The following RRAS2 variants were observed in gnomAD, a reference collection of about 807,000 sequenced individuals.
RRAS2 encodes RAS related 2, also known as ras-related protein R-Ras2.
In RRAS2, 7 loss-of-function variants were observed where a neutral mutation model predicts 27.6. The observed-to-expected ratio is 0.25, with a 90% CI of 0.14 to 0.48. The LOEUF (loss-of-function observed/expected upper bound fraction) is 0.48, where lower values mean the gene tolerates loss of function less well. RRAS2 is among the 20% of genes least tolerant of loss of function. The pLI is 0.99. For synonymous variants in RRAS2, 86 were observed against 90.9 expected, an observed-to-expected ratio of 0.95 and a Z score of 0.31; for missense variants, 178 against 256.2, an observed-to-expected ratio of 0.69 and a Z score of 2.08.
At chr11:14,303,559 A>G (rs1404276235) in intron 1 of RRAS2, among the ~76,000 whole-genome samples, 2 of 152,184 alleles carry the variant, frequency 1.3e-5, no homozygotes, top group Admixed American at 6.5e-5. Flanking sequence ...CGACAGAGAG[A>G]GACCCCCATC....
At chr11:14,320,072 A>T (rs1848192858) in intron 1 of RRAS2, among the ~76,000 whole-genome samples, 2 of 152,114 alleles carry the variant, frequency 1.3e-5, no homozygotes, top group Admixed American at 6.5e-5. Context: ...TTCCTGCAAA[A>T]CTCAATTTGT....
chr11:14,292,083 A>C (rs2133957629), intron 4 of RRAS2, among the ~76,000 whole-genome samples: 1 of 152,328 alleles, frequency 6.6e-6, no homozygotes, highest in Admixed American at 6.5e-5. Context: ...CACTTGTGGA[A>C]TCATGTTGGC....
chr11:14,330,385 G>A (rs1191358451), intron 1 of RRAS2, among the ~76,000 whole-genome samples: 7 of 152,096 alleles, frequency 4.6e-5, no homozygotes, highest in African/African-American at 2.4e-5. Context: ...GGTGGCACAC[G>A]CCTGTAGTCC....
chr11:14,325,644 A>T (rs918549839), intron 1 of RRAS2, among the ~76,000 whole-genome samples: 39 of 152,202 alleles, frequency 2.6e-4, no homozygotes, highest in African/African-American at 8.9e-4. Context: ...TTTGTAGATT[A>T]ACAATTAGAA....
rs1182069295 is a variant in RRAS2, at chr11:14,341,796, A to G, written c.108+16967T>C. On this transcript the variant is annotated intron_variant, in intron 1 of 5. Transcript: ENST00000256196. ...CAGAAAATGTTATGAAAAAATATAA[A>G]TACGCATACTCACCTCCCGACTTAG... 5 of 454,644 alleles carry G rather than the reference A, an allele frequency of 1.1e-5. No individual in the cohort carries two copies. The East Asian group carries it at 3.5e-4, about 32-fold the overall frequency. 28.2% of individuals were successfully genotyped at this position (454,644 alleles called of 1,614,324 possible).
chr11:14,357,630 A>T (rs1283401512), intron 1 of RRAS2, among the ~76,000 whole-genome samples: 1 of 152,256 alleles, frequency 6.6e-6, no homozygotes, highest in Non-Finnish European at 1.5e-5. Flanking sequence ...CATTTGTTAC[A>T]GTACTCAATA....
At chr11:14,331,187 A>G (rs1353934618) in intron 1 of RRAS2, among the ~76,000 whole-genome samples, 1 of 152,220 alleles carries the variant, frequency 6.6e-6, no homozygotes, top group Non-Finnish European at 1.5e-5. Context: ...CTTGGTCACA[A>G]GTTTCTGTGA....
intron 1 of RRAS2, among the ~76,000 whole-genome samples, chr11:14,297,887 A>G (rs189499682): frequency 6.6e-6 from 1 of 152,286 alleles, no homozygotes; most frequent in African/African-American, 2.4e-5. Flanking sequence ...CAAAGTCTGT[A>G]AAAGAAATGT....
intron 1 of RRAS2, among the ~76,000 whole-genome samples, chr11:14,341,407 G>A (rs1848702897): frequency 1.3e-5 from 2 of 152,140 alleles, no homozygotes; most frequent in South Asian, 4.1e-4. Flanking sequence ...ATCAGTTCCT[G>A]TAACTACCAA....
chr11:14,306,500 T>C (rs1847832395), intron 1 of RRAS2, among the ~76,000 whole-genome samples: 1 of 152,128 alleles, frequency 6.6e-6, no homozygotes, highest in Non-Finnish European at 1.5e-5. Context: ...AGCCCCCTTC[T>C]TATAAAGCCT....
chr11:14,314,590 A>C (rs1456717854), intron 1 of RRAS2, among the ~76,000 whole-genome samples: 1 of 152,246 alleles, frequency 6.6e-6, no homozygotes, highest in African/African-American at 2.4e-5. Flanking sequence ...GGAACATCTA[A>C]CAGCTGCCAT....
At chr11:14,308,356 T>C in intron 1 of RRAS2, 1 of 420,172 alleles carries the variant, frequency 2.4e-6, no homozygotes. Flanking sequence ...TAATAAAAGC[T>C]AGATTCTAGT....
Position 14,358,680 on chromosome 11 carries a change from G to A in RRAS2, c.108+83C>T, listed in dbSNP as rs1849136127. On this transcript the variant is annotated intron_variant, in intron 1 of 5. Transcript: ENST00000256196. This position sits in a 1 kb window ranked among gnomAD's most constrained non-coding sequence, Gnocchi z 5.1. ...GCCCGCGAGGCGCCTCTGGGGCGAG[G>A]TCGCGGCGGCCGCCCCGCCACAGGT... 9.7e-7 allele frequency: 1 copy of A among 1,032,374 alleles called. No individual in the cohort carries two copies. Among genetic ancestry groups the A allele is most frequent in the South Asian group, 4.4e-5 (1 of 22,796 alleles). 64.0% of individuals were successfully genotyped at this position (1,032,374 alleles called of 1,614,324 possible). A position where few individuals can be genotyped will look rare whatever the true frequency, so the allele number is the denominator to read the frequency against.
Position 14,358,229 on chromosome 11 carries a change from A to C in RRAS2, c.108+534T>G, listed in dbSNP as rs1242200488. ...AAGAGAGTACTTATAAAAAGAGCGT[A>C]ACACACACACAAAGAAATACACAGT... is the stretch of plus-strand genomic sequence containing the variant. On this transcript the variant is annotated intron_variant, in intron 1 of 5. Coordinates refer to ENST00000256196, the MANE Select transcript of RRAS2 (RefSeq NM_012250.6). This position sits in a 1 kb window ranked among gnomAD's most constrained non-coding sequence, Gnocchi z 5.1. 2 of 985,300 alleles carry C rather than the reference A, an allele frequency of 2.0e-6. No individual in the cohort carries two copies. The highest frequency in any genetic ancestry group is 2.3e-4 in the East Asian group (2 of 8,818). The allele number at this position is 985,300 out of a possible 1,614,324, so 61.0% of individuals were successfully genotyped here.
intron 1 of RRAS2, among the ~76,000 whole-genome samples, chr11:14,330,078 G>C (rs1216986499): frequency 6.6e-6 from 1 of 151,960 alleles, no homozygotes; most frequent in Non-Finnish European, 1.5e-5. Context: ...CTATCTCTTA[G>C]AAACAATGAA....
intron 1 of RRAS2, among the ~76,000 whole-genome samples, chr11:14,309,354 A>G (rs1427429833): frequency 6.6e-6 from 1 of 152,224 alleles, no homozygotes; most frequent in Non-Finnish European, 1.5e-5. Context: ...CTTAATCTAC[A>G]AATACTAACT....
chr11:14,347,134 G>A lies in RRAS2; in HGVS notation c.108+11629C>T, dbSNP rs782294145. Among the ~76,000 whole-genome samples, 8 of 152,234 alleles carry A rather than the reference G, an allele frequency of 5.3e-5. No individual in the cohort carries two copies. In the South Asian group the frequency reaches 6.2e-4, roughly 12 times the overall value. ...GCTATGATCATGCCACTGCACTCCCGCTTGGACAACAGAGCAAGACCCTGT... is the reference window on the plus strand; with the variant it reads ...GCTATGATCATGCCACTGCACTCCCACTTGGACAACAGAGCAAGACCCTGT... On this transcript the variant is annotated intron_variant, in intron 1 of 5. Transcript: ENST00000256196.
At chr11:14,343,962 G>A (rs992928928) in intron 1 of RRAS2, among the ~76,000 whole-genome samples, 15 of 151,278 alleles carry the variant, frequency 9.9e-5, no homozygotes, top group Non-Finnish European at 1.6e-4. Flanking sequence ...GCAACAAGGC[G>A]AAACCCCCAT....
At chr11:14,293,718 A>C (rs1847473852) in intron 4 of RRAS2, among the ~76,000 whole-genome samples, 2 of 152,052 alleles carry the variant, frequency 1.3e-5, no homozygotes, top group South Asian at 4.2e-4. Flanking sequence ...GAGTCCATTA[A>C]ACCTCTTTTT....
Sources: gnomAD v4.1 joint callset for allele counts (sites outside exome capture counted in the v4.1 genomes callset) on GRCh38, gnomAD v4.1.1 for gene constraint, Gnocchi (gnomAD v3.1) non-coding constraint, MANE v1.5 for transcripts, NCBI Gene and HGNC (gene_info 2026-07-23, HGNC 2026-07-21) for gene names.